CALD1: variants seen among roughly 807,000 people sequenced by gnomAD.
CALD1 encodes caldesmon 1, also known as caldesmon.
CALD1 carries 33 observed loss-of-function variants against 99.9 expected under a neutral mutation model. The ratio of observed to expected loss-of-function variants is 0.33; its 90% CI spans 0.25 to 0.44. The LOEUF (loss-of-function observed/expected upper bound fraction) is 0.44. Among genes scored for constraint, CALD1 ranks in the 20% least tolerant of loss-of-function variants. CALD1 has a pLI of 1.00. For synonymous variants in CALD1, 310 were observed against 325.0 expected, an observed-to-expected ratio of 0.95 and a Z score of 0.50; for missense variants, 861 against 962.1, an observed-to-expected ratio of 0.89 and a Z score of 1.39.
intron 3 of CALD1, among the ~76,000 whole-genome samples, chr7:134,881,566 T>C (rs187473718): frequency 2.0e-5 from 3 of 152,342 alleles, no homozygotes; most frequent in Admixed American, 6.5e-5. Context: ...GTTTATCATG[T>C]TGAAGTGCCT....
At chr7:134,716,886 A>T in the CALD1 span, among the ~76,000 whole-genome samples, 2 of 152,200 alleles carry the variant, frequency 1.3e-5, no homozygotes, top group Admixed American at 6.5e-5. Flanking sequence ...ATAAGAAATC[A>T]CTGGTCTTCG....
chr7:134,761,867 T>A (rs1275768245), intron 1 of CALD1, among the ~76,000 whole-genome samples: 1 of 152,192 alleles, frequency 6.6e-6, no homozygotes, highest in Non-Finnish European at 1.5e-5. Context: ...ATTATTATTA[T>A]TATTTTTGAA....
At chr7:134,897,050 G>A (rs1802623788) in intron 3 of CALD1, among the ~76,000 whole-genome samples, 1 of 152,202 alleles carries the variant, frequency 6.6e-6, no homozygotes, top group African/African-American at 2.4e-5. Flanking sequence ...CTTCATAAAT[G>A]TAGTGCTGCC....
chr7:134,771,894 C>G (rs1291734101), intron 1 of CALD1, among the ~76,000 whole-genome samples: 1 of 152,084 alleles, frequency 6.6e-6, no homozygotes, highest in African/African-American at 2.4e-5. Context: ...TACCCTGTTT[C>G]TCCCTATTCC....
the CALD1 span, among the ~76,000 whole-genome samples, chr7:134,736,379 C>T: frequency 1.9e-3 from 293 of 152,234 alleles, 2 homozygotes; most frequent in South Asian, 4.4e-3. Context: ...TGTACACACA[C>T]GAACATGCAC....
intron 3 of CALD1, among the ~76,000 whole-genome samples, chr7:134,895,688 C>T (rs1044190395): frequency 6.6e-6 from 1 of 152,182 alleles, no homozygotes; most frequent in African/African-American, 2.4e-5. Context: ...GAGGCCTTCT[C>T]TCCTACAAAG....
chr7:134,772,112 T>TG (rs1206609148), intron 1 of CALD1, among the ~76,000 whole-genome samples: 1 of 150,534 alleles, frequency 6.6e-6, no homozygotes, highest in Non-Finnish European at 1.5e-5. Context: ...TTTTTTTTTT[T>TG]GAGACAGGGT....
At chr7:134,828,811 C>G (rs1465475074) in intron 1 of CALD1, among the ~76,000 whole-genome samples, 1 of 152,210 alleles carries the variant, frequency 6.6e-6, no homozygotes, top group Non-Finnish European at 1.5e-5. Context: ...CCTGGTTGCT[C>G]TGATACAGTT....
the CALD1 span, among the ~76,000 whole-genome samples, chr7:134,739,077 A>G: frequency 1.3e-5 from 2 of 152,304 alleles, no homozygotes; most frequent in South Asian, 2.1e-4. Flanking sequence ...TGGAGGGAAC[A>G]TTGGTGACTG....
At chr7:134,926,756 A>G (rs911745597) in intron 3 of CALD1, among the ~76,000 whole-genome samples, 1 of 152,154 alleles carries the variant, frequency 6.6e-6, no homozygotes, top group African/African-American at 2.4e-5. Context: ...TTTTGTTTTA[A>G]TTTGCAAATT....
At chr7:134,948,218 T>A (rs941279176) in intron 8 of CALD1, 2 of 156,316 alleles carry the variant, frequency 1.3e-5, no homozygotes, top group African/African-American at 2.4e-5. Flanking sequence ...AAGATTTTTT[T>A]AAATCTTTTT....
the CALD1 span, among the ~76,000 whole-genome samples, chr7:134,726,506 TAA>T: frequency 1.4e-4 from 19 of 140,238 alleles, 1 homozygote; most frequent in African/African-American, 4.8e-4. Flanking sequence ...TTTAGATATA[TAA>T]TATACAATAT....
In CALD1 at chr7:134,960,083, C is replaced by T. The variant is rs1407391390; in HGVS notation, c.2171C>T (p.Ser724Phe). 6.2e-7 allele frequency: 1 copy of T among 1,614,106 alleles called. No homozygotes were observed. The highest frequency in any genetic ancestry group is 8.5e-7 in the Non-Finnish European group (1 of 1,179,960). Residue 724 changes from serine (S) to phenylalanine (F), a missense_variant, in exon 12 of 15, where the codon TCC (serine) becomes TTC (phenylalanine). Ser to Phe is a radical substitution (Grantham distance 155). Transcript: ENST00000361675. ...TGGGAGAAAGGGAATGTGTTTTCAT[C>T]CCCCACTGCAGCAGGCACACCAAAT... ...SMWEKGNVFS[S>F]PTAAGTPNKE...
chr7:134,720,850 T>A, the CALD1 span, among the ~76,000 whole-genome samples: 43,105 of 152,162 alleles, frequency 0.28, 7,189 homozygotes, highest in East Asian at 0.59. Flanking sequence ...TTGTGTCTTA[T>A]ATTCATGGGC....
intron 1 of CALD1, among the ~76,000 whole-genome samples, chr7:134,817,145 A>T (rs1351143348): frequency 9.9e-5 from 15 of 151,974 alleles, no homozygotes. Flanking sequence ...GCATCTTTGG[A>T]GGAATGCAAG....
intron 1 of CALD1, among the ~76,000 whole-genome samples, chr7:134,763,636 C>G (rs1796797667): frequency 6.6e-6 from 1 of 152,238 alleles, no homozygotes; most frequent in East Asian, 1.9e-4. Flanking sequence ...ATATTTCCCA[C>G]TAGCTGGGCG....
rs759636510 is a variant in CALD1, at chr7:134,933,077, G to A, written c.308G>A (p.Arg103His). ...GCATTCCTGGAGCGCCTGGCTCGGCGTGAGGAAAGACGCCAAAAACGCCTT... is the reference window on the plus strand; with the variant it reads ...GCATTCCTGGAGCGCCTGGCTCGGCATGAGGAAAGACGCCAAAAACGCCTT... Reference protein sequence around the residue: ...EAAFLERLARREERRQKRLQE... With the variant: ...EAAFLERLARHEERRQKRLQE... Residue 103 changes from arginine to histidine, a missense_variant, in exon 5 of 15, where the codon CGT becomes CAT. By Grantham distance (29) the Arg-to-His change is conservative. Coordinates refer to ENST00000361675, the MANE Select transcript of CALD1 (RefSeq NM_033138.4). The A allele has an allele frequency of 1.1e-5, 17 of 1,614,024 alleles. No individual in the cohort carries two copies. The highest frequency in any genetic ancestry group is 1.6e-4 in the Middle Eastern group (1 of 6,062).
intron 3 of CALD1, among the ~76,000 whole-genome samples, chr7:134,868,830 C>A (rs903741947): frequency 2.6e-5 from 4 of 151,848 alleles, no homozygotes; most frequent in African/African-American, 9.7e-5. Flanking sequence ...CCTAGCTCTG[C>A]CATTTGCAAG....
intron 1 of CALD1, among the ~76,000 whole-genome samples, chr7:134,837,315 T>C (rs562401022): frequency 5.4e-4 from 82 of 151,148 alleles, no homozygotes; most frequent in Non-Finnish European, 8.4e-4. Context: ...CAATCATCAC[T>C]CAACAACAGA....
Sources: gnomAD v4.1 joint callset for allele counts (sites outside exome capture counted in the v4.1 genomes callset) on GRCh38, gnomAD v4.1.1 for gene constraint, MANE v1.5 for transcripts, NCBI Gene and HGNC (gene_info 2026-07-23, HGNC 2026-07-21) for gene names.